Variants in PDZRN3 observed in about 807,000 individuals in gnomAD.
PDZRN3 encodes the protein E3 ubiquitin-protein ligase PDZRN3.
Under a neutral mutation model 85.7 loss-of-function variants are expected in PDZRN3, and 38 were observed. That is an observed-to-expected ratio of 0.44 (90% CI 0.34 to 0.58). The LOEUF is 0.58. PDZRN3 is among the 20% of genes least tolerant of loss of function. The pLI, the probability that PDZRN3 is intolerant of heterozygous loss-of-function variation, is 0.01. For missense variants in PDZRN3, 1,629 were observed against 1,506.4 expected (o/e 1.08, Z -1.35); for synonymous variants, 759 against 638.0 (o/e 1.19, Z -2.86).
intron 3 of PDZRN3, among the ~76,000 whole-genome samples, chr3:73,481,433 G>C (rs1010843896): frequency 6.6e-6 from 1 of 150,540 alleles, no homozygotes; most frequent in African/African-American, 2.5e-5. Context: ...AAGGTTCAAG[G>C]GATTCTTCTG....
intron 3 of PDZRN3, among the ~76,000 whole-genome samples, chr3:73,565,786 A>AACACAC (rs61564723): frequency 0.024 from 923 of 37,816 alleles, 5 homozygotes; most frequent in Middle Eastern, 0.062. Context: ...AAAAATACAA[A>AACACAC]ACACACACAC....
chr3:73,386,453 C>A (rs1234051896), intron 8 of PDZRN3, among the ~76,000 whole-genome samples: 4 of 152,086 alleles, frequency 2.6e-5, no homozygotes, highest in African/African-American at 7.2e-5. Flanking sequence ...CTCAGCCTCC[C>A]AACATGCTGG....
intron 3 of PDZRN3, among the ~76,000 whole-genome samples, chr3:73,542,996 A>T (rs1292680528): frequency 6.6e-6 from 1 of 152,176 alleles, no homozygotes; most frequent in East Asian, 1.9e-4. Flanking sequence ...GTACTTCTGG[A>T]CACTCCACAC....
chr3:73,533,838 T>C (rs1405527198), intron 3 of PDZRN3, among the ~76,000 whole-genome samples: 1 of 152,168 alleles, frequency 6.6e-6, no homozygotes, highest in African/African-American at 2.4e-5. Context: ...CCCCTCTGCA[T>C]GCAGGTCACC....
intron 3 of PDZRN3, among the ~76,000 whole-genome samples, chr3:73,571,671 A>G (rs2106852124): frequency 6.6e-6 from 1 of 152,314 alleles, no homozygotes; most frequent in South Asian, 2.1e-4. Flanking sequence ...CCGGGGTGAG[A>G]GTCCTGCCCC....
At chr3:73,480,488 C>T (rs527642163) in intron 3 of PDZRN3, among the ~76,000 whole-genome samples, 20 of 152,300 alleles carry the variant, frequency 1.3e-4, no homozygotes, top group Admixed American at 5.2e-4. Flanking sequence ...CTTTGTCTGG[C>T]TCTCTTCTCA....
chr3:73,581,349 A>T (rs906405314), intron 3 of PDZRN3, among the ~76,000 whole-genome samples: 21 of 152,236 alleles, frequency 1.4e-4, no homozygotes, highest in African/African-American at 5.1e-4. Context: ...ATCTTTCAAT[A>T]ACCAGCCTTG....
intron 3 of PDZRN3, among the ~76,000 whole-genome samples, chr3:73,471,262 G>A (rs1007998520): frequency 2.0e-5 from 3 of 152,180 alleles, no homozygotes; most frequent in South Asian, 4.2e-4. Context: ...AAAGCTTGCC[G>A]GCAAACCATC....
intron 5 of PDZRN3, among the ~76,000 whole-genome samples, chr3:73,392,553 A>T (rs1258987454): frequency 6.6e-6 from 1 of 152,144 alleles, no homozygotes; most frequent in Non-Finnish European, 1.5e-5. Context: ...CAGAGTCACC[A>T]ACATGAGGCA....
intron 3 of PDZRN3, chr3:73,434,018 C>G (rs1702484944): frequency 1.9e-6 from 2 of 1,047,678 alleles, no homozygotes; most frequent in Non-Finnish European, 2.4e-6. Flanking sequence ...AATGCACACG[C>G]TATATATACT....
chr3:73,583,068 A>G (rs1457123530), intron 3 of PDZRN3, among the ~76,000 whole-genome samples: 1 of 152,234 alleles, frequency 6.6e-6, no homozygotes, highest in African/African-American at 2.4e-5. Context: ...ATAATGTGAT[A>G]ATGTCACTGA....
At chr3:73,434,828 A>G (rs1335996345) in intron 3 of PDZRN3, among the ~76,000 whole-genome samples, 1 of 152,144 alleles carries the variant, frequency 6.6e-6, no homozygotes, top group Admixed American at 6.6e-5. Context: ...AACATTTAAG[A>G]ATTTTGGTTC....
intron 3 of PDZRN3, among the ~76,000 whole-genome samples, chr3:73,433,143 G>C (rs1702465114): frequency 6.6e-6 from 1 of 152,206 alleles, no homozygotes; most frequent in Non-Finnish European, 1.5e-5. Flanking sequence ...AATGGCAAGT[G>C]AGAAGTACCA....
At chr3:73,465,284 T>C (rs932825553) in intron 3 of PDZRN3, among the ~76,000 whole-genome samples, 2 of 152,224 alleles carry the variant, frequency 1.3e-5, no homozygotes, top group African/African-American at 2.4e-5. Context: ...TGTGTTTTAG[T>C]TTTTGCATTT....
At chr3:73,505,523 G>A (rs972379763) in intron 3 of PDZRN3, among the ~76,000 whole-genome samples, 9 of 152,078 alleles carry the variant, frequency 5.9e-5, no homozygotes, top group African/African-American at 2.2e-4. Context: ...CAAACCAGTA[G>A]ACCTATCAGA....
intron 3 of PDZRN3, among the ~76,000 whole-genome samples, chr3:73,559,322 T>C (rs1220900235): frequency 1.3e-5 from 2 of 152,164 alleles, no homozygotes; most frequent in African/African-American, 4.8e-5. Context: ...TTTTCTTTTG[T>C]TTCTGGTGCC....
intron 2 of PDZRN3, among the ~76,000 whole-genome samples, chr3:73,603,736 C>T (rs761761901): frequency 2.0e-5 from 3 of 151,918 alleles, no homozygotes; most frequent in Non-Finnish European, 4.4e-5. Context: ...AAAAACAATC[C>T]CTATATTCTA....
At chr3:73,532,115 C>CT (rs1452192950) in intron 3 of PDZRN3, among the ~76,000 whole-genome samples, 2 of 152,170 alleles carry the variant, frequency 1.3e-5, no homozygotes, top group Non-Finnish European at 2.9e-5. Flanking sequence ...ATTCTCCTGC[C>CT]TCAGCCTCCC....
At chr3:73,396,350 C>A (rs1324408275) in intron 5 of PDZRN3, among the ~76,000 whole-genome samples, 1 of 152,184 alleles carries the variant, frequency 6.6e-6, no homozygotes, top group Non-Finnish European at 1.5e-5. Flanking sequence ...CACTGCCACG[C>A]AGGCCGAGGT....
Sources: gnomAD v4.1 joint callset for allele counts (sites outside exome capture counted in the v4.1 genomes callset) on GRCh38, gnomAD v4.1.1 for gene constraint, MANE v1.5 for transcripts, NCBI Gene and HGNC (gene_info 2026-07-23, HGNC 2026-07-21) for gene names.